Variants in IQSEC1 observed in about 807,000 individuals in gnomAD.
The protein encoded by IQSEC1 is IQ motif and Sec7 domain ArfGEF 1, also known as IQ motif and SEC7 domain-containing protein 1.
IQSEC1 carries 31 observed loss-of-function variants against 91.0 expected under a neutral mutation model. That is an observed-to-expected ratio of 0.34 (90% confidence interval 0.26 to 0.46). The LOEUF is 0.46. Ranked by LOEUF, IQSEC1 falls within the 20% of genes least tolerant of loss-of-function variation. IQSEC1 has a pLI of 1.00. For missense variants in IQSEC1, 1,388 were observed against 1,575.6 expected, an observed-to-expected ratio of 0.88 and a Z score of 2.02; for synonymous variants, 699 against 662.6, an observed-to-expected ratio of 1.05 and a Z score of -0.84.
chr3:13,016,957 C>G (rs1703161842), intron 1 of IQSEC1, among the ~76,000 whole-genome samples: 1 of 152,216 alleles, frequency 6.6e-6, no homozygotes, highest in Non-Finnish European at 1.5e-5. Flanking sequence ...CTGGACATTT[C>G]CTAGAAACGG....
At chr3:13,178,881 C>A (rs1318067391) in intron 1 of IQSEC1, among the ~76,000 whole-genome samples, 2 of 152,160 alleles carry the variant, frequency 1.3e-5, no homozygotes, top group African/African-American at 4.8e-5. Context: ...AAAGCTTGAA[C>A]CTTACATTTG....
chr3:12,951,365 G>A (rs1699532448), intron 1 of IQSEC1, among the ~76,000 whole-genome samples: 1 of 152,108 alleles, frequency 6.6e-6, no homozygotes, highest in Non-Finnish European at 1.5e-5. Context: ...GGAGGTTGCA[G>A]TGAGTTGAGA....
chr3:13,062,043 A>G lies in IQSEC1; in HGVS notation c.23+10949T>C, dbSNP rs369472171. Among the ~76,000 whole-genome samples the G allele has an allele frequency of 4.2e-3, 640 of 152,322 alleles. 46 individuals are homozygous for G. In the South Asian group the frequency reaches 0.11, roughly 27 times the overall value. ...GAACGTGTCCTGGGGAAAGGTGAACAGGACATGGCCACAGGAGCATTGGAG... is the reference window on the plus strand; with the variant it reads ...GAACGTGTCCTGGGGAAAGGTGAACGGGACATGGCCACAGGAGCATTGGAG... On this transcript the variant is annotated intron_variant, in intron 1 of 13. Transcript: ENST00000613206.
At chr3:12,968,787 C>G (rs1472103108) in intron 1 of IQSEC1, among the ~76,000 whole-genome samples, 1 of 152,236 alleles carries the variant, frequency 6.6e-6, no homozygotes, top group African/African-American at 2.4e-5. Context: ...AAGTCCATCT[C>G]CTGGAGGGCC....
rs555611210 is a variant in IQSEC1, at chr3:12,970,052, A to G, written c.24-28187T>C. 6.6e-6 allele frequency among the ~76,000 whole-genome samples: 1 copy of G among 152,348 alleles called. No individual in the cohort carries two copies. The highest frequency in any genetic ancestry group is 3.4e-3 in the Middle Eastern group (1 of 294). ...AATCCTTGCATGCACCATTCAGGCA[A>G]ATTGCTTAGTTTTCTGAGTCTCAGT... On this transcript the variant is annotated intron_variant, in intron 1 of 13. Transcript: ENST00000613206. The surrounding 1 kb of genome is among the most constrained non-coding windows in gnomAD (Gnocchi z 4.4).
At chr3:12,962,125 G>A (rs1037346676) in intron 1 of IQSEC1, among the ~76,000 whole-genome samples, 4 of 152,184 alleles carry the variant, frequency 2.6e-5, no homozygotes, top group Admixed American at 6.5e-5. Flanking sequence ...GACGACCAAC[G>A]GTCAATCAGG....
intron 1 of IQSEC1, among the ~76,000 whole-genome samples, chr3:13,182,144 C>G (rs1237302954): frequency 6.6e-6 from 1 of 152,246 alleles, no homozygotes; most frequent in Non-Finnish European, 1.5e-5. Context: ...ACATTGGAAT[C>G]CCCTCTAGTT....
At chr3:13,270,990 C>T (rs985670151) in intron 1 of IQSEC1, among the ~76,000 whole-genome samples, 3 of 152,094 alleles carry the variant, frequency 2.0e-5, no homozygotes, top group Non-Finnish European at 4.4e-5. Context: ...GTAGCTATAA[C>T]TAAAATCAGA....
rs544395270 is a variant in IQSEC1, at chr3:13,227,026, G to A, written c.272+55685C>T. On this transcript the variant is annotated intron_variant, in intron 1 of 15. Transcript: ENST00000648114. ...GAGCCCAGGAGTTCAAGGCTGCAGTGAGCGATGATCATGCCACTGTAGTCC... is the reference window on the plus strand; with the variant it reads ...GAGCCCAGGAGTTCAAGGCTGCAGTAAGCGATGATCATGCCACTGTAGTCC... Among the ~76,000 whole-genome samples, 13 of 152,236 alleles carry A rather than the reference G, an allele frequency of 8.5e-5. 1 individual carries two copies. In the South Asian group the frequency reaches 2.7e-3, roughly 32 times the overall value.
intron 2 of IQSEC1, among the ~76,000 whole-genome samples, chr3:13,123,165 T>C (rs1230892598): frequency 1.3e-5 from 2 of 152,318 alleles, no homozygotes; most frequent in East Asian, 1.9e-4. Context: ...TTTGCACCGG[T>C]TGGTTTTGAG....
chr3:12,984,649 G>C (rs1301781696), intron 1 of IQSEC1, among the ~76,000 whole-genome samples: 1 of 152,008 alleles, frequency 6.6e-6, no homozygotes, highest in African/African-American at 2.4e-5. Flanking sequence ...TGCCTTCCTG[G>C]GGAAAGATAA....
chr3:13,064,326 C>A (rs1027362864), intron 1 of IQSEC1, among the ~76,000 whole-genome samples: 1 of 152,220 alleles, frequency 6.6e-6, no homozygotes, highest in Non-Finnish European at 1.5e-5. Context: ...CTATCCTCTT[C>A]TCTCTTCTCA....
rs182535058 is a variant in IQSEC1 at position 12,998,068 on chromosome 3, G to A, written c.24-56203C>T. 1.1e-3 allele frequency among the ~76,000 whole-genome samples: 172 copies of A among 152,270 alleles called. 1 individual carries two copies. The highest frequency in any genetic ancestry group is 3.7e-3 in the African/African-American group (154 of 41,570). Reference sequence around the variant, plus strand: ...ATCAAAAAGAATGTGGCAGCTCTACGGCCAGGCACAGTGGCTCATACCTGT... The same window carrying A: ...ATCAAAAAGAATGTGGCAGCTCTACAGCCAGGCACAGTGGCTCATACCTGT... On this transcript the variant is annotated intron_variant, in intron 1 of 13. Transcript: ENST00000613206.
chr3:13,252,533 G>A (rs80039303), intron 1 of IQSEC1, among the ~76,000 whole-genome samples: 3,475 of 152,224 alleles, frequency 0.023, 54 homozygotes, highest in South Asian at 0.063. Flanking sequence ...TCGACGCCCC[G>A]CGTTCAATTC....
intron 2 of IQSEC1, among the ~76,000 whole-genome samples, chr3:13,097,598 C>T (rs1247159180): frequency 6.6e-6 from 1 of 152,258 alleles, no homozygotes. Flanking sequence ...CCAACTCCCG[C>T]ACTCATGCTG....
At chr3:13,009,431 C>T (rs540215612) in intron 1 of IQSEC1, among the ~76,000 whole-genome samples, 3 of 152,104 alleles carry the variant, frequency 2.0e-5, no homozygotes, top group Admixed American at 6.5e-5. Context: ...AAAAGGGAAG[C>T]GCAGAGTGGC....
At chr3:13,235,808 C>T (rs1362961990) in intron 1 of IQSEC1, among the ~76,000 whole-genome samples, 1 of 152,172 alleles carries the variant, frequency 6.6e-6, no homozygotes, top group Non-Finnish European at 1.5e-5. Flanking sequence ...GAGGGCAACA[C>T]GGAACCAATG....
At chr3:13,167,094 T>C (rs1693511929) in intron 1 of IQSEC1, among the ~76,000 whole-genome samples, 1 of 152,198 alleles carries the variant, frequency 6.6e-6, no homozygotes. Flanking sequence ...TGCGTGTGTG[T>C]GTGCCTATGA....
intron 1 of IQSEC1, among the ~76,000 whole-genome samples, chr3:12,998,211 G>T (rs1451661411): frequency 6.6e-6 from 1 of 152,178 alleles, no homozygotes; most frequent in East Asian, 1.9e-4. Context: ...TTAGCTGGGT[G>T]TGGTGGCATG....
Sources: allele counts gnomAD v4.1 joint callset (sites outside exome capture counted in the v4.1 genomes callset), GRCh38; gene constraint gnomAD v4.1.1; non-coding constraint Gnocchi (gnomAD v3.1); transcripts MANE v1.5; gene names NCBI Gene and HGNC (gene_info 2026-07-23, HGNC 2026-07-21).